LETM2: variants seen among roughly 807,000 people sequenced by gnomAD.
LETM2 encodes LETM1 domain-containing protein LETM2, mitochondrial.
A neutral mutation model predicts 59.6 loss-of-function variants in LETM2; 58 were observed. That is an observed-to-expected ratio of 0.97 (90% CI 0.79 to 1.21). LETM2 has a LOEUF of 1.21. Among genes scored for constraint, LETM2 ranks in the 50% most tolerant of loss-of-function variants. The pLI, the probability that LETM2 is intolerant of heterozygous loss-of-function variation, is 0.00. For missense variants in LETM2, 572 were observed against 575.7 expected (o/e 0.99, Z 0.07); for synonymous variants, 199 against 214.1 (o/e 0.93, Z 0.62).
chr8:38,387,428 A>G (rs144987491), intron 1 of LETM2, among the ~76,000 whole-genome samples: 75 of 152,256 alleles, frequency 4.9e-4, no homozygotes, highest in African/African-American at 1.7e-3. Context: ...GTAGCAAGGG[A>G]AACAGTTTTA....
At chr8:38,388,072 T>C (rs1157306570) in intron 2 of LETM2, 42 bp downstream of exon 2, 3 of 1,293,268 alleles carry the variant, frequency 2.3e-6, no homozygotes, top group East Asian at 2.6e-5. Context: ...GTAATTCTTC[T>C]TCTTCTTCTT....
At chr8:38,404,571 G>A in intron 8 of LETM2, 65 bp downstream of exon 8, 1 of 977,282 alleles carries the variant, frequency 1.0e-6, no homozygotes, top group South Asian at 1.3e-5. Flanking sequence ...ACAAACACTT[G>A]GTGTACTCTT....
At chr8:38,392,444 A>T in intron 2 of LETM2, 98 bp from the exon 3 acceptor site, 1 of 796,292 alleles carries the variant, frequency 1.3e-6, no homozygotes, top group Non-Finnish European at 2.0e-6. Context: ...TATTTTGACC[A>T]GATGTACTAT....
At chr8:38,386,029 C>T (rs1316496198), upstream of LETM2, among the ~76,000 whole-genome samples, 1 of 152,208 alleles carries the variant, frequency 6.6e-6, no homozygotes, top group Non-Finnish European at 1.5e-5. Flanking sequence ...GAGAGGAATG[C>T]GCTCCTTCCG....
intron 4 of LETM2, among the ~76,000 whole-genome samples, chr8:38,395,189 G>T (rs995304974): frequency 6.6e-6 from 1 of 152,224 alleles, no homozygotes; most frequent in Non-Finnish European, 1.5e-5. Context: ...AGACACTTAT[G>T]TACAGGTTTT....
At chr8:38,407,920 G>C (rs1455766793) in intron 10 of LETM2, 2 of 408,962 alleles carry the variant, frequency 4.9e-6, no homozygotes, top group Non-Finnish European at 9.0e-6. Context: ...GTAAACAGTG[G>C]GGAGGTTGTG....
upstream of LETM2, chr8:38,386,119 A>C (rs1031604771): frequency 1.3e-5 from 2 of 152,228 alleles, no homozygotes; most frequent in African/African-American, 2.4e-5. Context: ...CCGAGGGAGA[A>C]TACATCAAAG....
chr8:38,400,430 G>A (rs909327919), intron 5 of LETM2, 21 bp downstream of exon 5: 20 of 1,545,542 alleles, frequency 1.3e-5, no homozygotes, highest in African/African-American at 8.3e-5. Context: ...TTTATGTAAT[G>A]CCGAACAACT....
chr8:38,403,755 G>C (rs1813447025), intron 7 of LETM2, among the ~76,000 whole-genome samples: 1 of 152,250 alleles, frequency 6.6e-6, no homozygotes, highest in South Asian at 2.1e-4. Flanking sequence ...TGTAGAGAAA[G>C]ATCCTTAAAA....
rs1448582440 is a variant in LETM2 at position 38,400,269 on chromosome 8, A to C, written c.646-3A>C. 1 of 1,603,712 alleles carries C rather than the reference A, an allele frequency of 6.2e-7. No homozygotes were observed. The highest frequency in any genetic ancestry group is 1.3e-5 in the African/African-American group (1 of 74,250). On this transcript the variant is annotated splice_region_variant and splice_polypyrimidine_tract_variant and intron_variant, in intron 4 of 10. Coordinates refer to ENST00000379957, the MANE Select transcript of LETM2 (RefSeq NM_001286819.2). ...GAGTAACTTTTATTCTTCTACCATT[A>C]AGGAAGAAAAACAGAAAAAGAAAAT...
At chr8:38,398,119 G>A (rs971099261) in intron 4 of LETM2, among the ~76,000 whole-genome samples, 1 of 148,916 alleles carries the variant, frequency 6.7e-6, no homozygotes, top group Non-Finnish European at 1.5e-5. Flanking sequence ...CAGCCTGGGC[G>A]ACAGAGTGAG....
At chr8:38,407,094 G>A (rs954965183) in intron 9 of LETM2, 56 bp downstream of exon 9, 11 of 1,042,888 alleles carry the variant, frequency 1.1e-5, no homozygotes, top group African/African-American at 4.8e-5. Context: ...AATAGCAATG[G>A]GTCATTTTCT....
chr8:38,400,139 C>A, intron 4 of LETM2, 133 bp from the exon 5 acceptor site: 1 of 629,530 alleles, frequency 1.6e-6, no homozygotes, highest in Non-Finnish European at 2.6e-6. Context: ...ACCCATTCAT[C>A]TATGCCTGAG....
At chr8:38,403,515 C>T (rs1813427850) in intron 7 of LETM2, among the ~76,000 whole-genome samples, 2 of 152,232 alleles carry the variant, frequency 1.3e-5, no homozygotes, top group Non-Finnish European at 2.9e-5. Context: ...ACTGTGGTAA[C>T]CCATGTTTAA....
chr8:38,404,506 G>A lies in LETM2; in HGVS notation c.1218G>A (p.Glu406=), dbSNP rs1813548320. The part of the protein sequence containing the change: ...PKPIEIPLSG[E]APKTDILVEL... Reference sequence around the variant, plus strand: ...CGATTGAGATACCACTCAGTGGGGAGGTGAGTACCTGGGTTAATGGGGACC... The same window carrying A: ...CGATTGAGATACCACTCAGTGGGGAAGTGAGTACCTGGGTTAATGGGGACC... The change falls in exon 8 of 11, where the codon GAG becomes GAA. Residue 406 remains glutamate, a splice_region_variant and synonymous_variant. Transcript: ENST00000379957. 1.2e-6 allele frequency: 2 copies of A among 1,602,606 alleles called. No homozygotes were observed. Among genetic ancestry groups the A allele is most frequent in the Admixed American group, 3.3e-5 (2 of 59,980 alleles).
chr8:38,395,427 A>C (rs1296297091), intron 4 of LETM2, among the ~76,000 whole-genome samples: 1 of 152,100 alleles, frequency 6.6e-6, no homozygotes, highest in Non-Finnish European at 1.5e-5. Flanking sequence ...TCACTGTTTT[A>C]ATTTGCAGTC....
chr8:38,391,193 A>AC (rs1433119859), intron 2 of LETM2, among the ~76,000 whole-genome samples: 5 of 142,616 alleles, frequency 3.5e-5, no homozygotes, highest in Non-Finnish European at 6.2e-5. Context: ...AAAAAAAAAA[A>AC]AAAAACAAAA....
chr8:38,384,352 T>C (rs1811689610), upstream of LETM2, among the ~76,000 whole-genome samples: 2 of 152,220 alleles, frequency 1.3e-5, no homozygotes, highest in South Asian at 4.1e-4. Context: ...CATAGTCTTT[T>C]CCTGCAAAAC....
chr8:38,407,157 A>G lies in LETM2; in HGVS notation c.1311+119A>G, dbSNP rs1813790816. The G allele has an allele frequency of 4.1e-6, 3 of 726,412 alleles. No homozygotes were observed. The South Asian group carries it at 5.0e-5, about 12-fold the overall frequency. 45.0% of individuals were successfully genotyped at this position (726,412 alleles called of 1,614,324 possible). A position where few individuals can be genotyped will look rare whatever the true frequency, so the allele number is the denominator to read the frequency against. Reference sequence around the variant, plus strand: ...AAATTCAATACAATAATGTTCCTTAATAAGGAATATTTATTGTACTGTTTG... The same window carrying G: ...AAATTCAATACAATAATGTTCCTTAGTAAGGAATATTTATTGTACTGTTTG... On this transcript the variant is annotated intron_variant, in intron 9 of 10. Coordinates refer to ENST00000379957, the MANE Select transcript of LETM2 (RefSeq NM_001286819.2).
Sources: gnomAD v4.1 joint callset for allele counts (sites outside exome capture counted in the v4.1 genomes callset) on GRCh38, gnomAD v4.1.1 for gene constraint, MANE v1.5 for transcripts, NCBI Gene and HGNC (gene_info 2026-07-23, HGNC 2026-07-21) for gene names.